SPIRE2: variants seen among roughly 807,000 people sequenced by gnomAD.
The protein encoded by SPIRE2 is spire type actin nucleation factor 2, also known as protein spire homolog 2.
A neutral mutation model predicts 80.7 loss-of-function variants in SPIRE2; 76 were observed. That is an observed-to-expected ratio of 0.94 (90% CI 0.78 to 1.14). SPIRE2 has a LOEUF of 1.14. SPIRE2 is among the 50% of genes most tolerant of loss of function. SPIRE2 has a pLI of 0.00. For missense variants in SPIRE2, 1,196 were observed against 1,015.3 expected (o/e 1.18, Z -2.42); for synonymous variants, 535 against 432.6 (o/e 1.24, Z -2.94).
intron 1 of SPIRE2, 136 bp from the exon 2 acceptor site, chr16:89,845,186 C>A: frequency 2.5e-6 from 2 of 797,704 alleles, no homozygotes; most frequent in Non-Finnish European, 4.3e-6. Flanking sequence ...GTGGCTGGGC[C>A]TGCTGTGAGC....
intron 1 of SPIRE2, among the ~76,000 whole-genome samples, chr16:89,843,404 A>G (rs192577284): frequency 4.6e-5 from 7 of 152,106 alleles, no homozygotes; most frequent in African/African-American, 1.2e-4. Flanking sequence ...TCCAGCTTCC[A>G]CCTGCATTTC....
chr16:89,854,729 G>T, intron 5 of SPIRE2, 78 bp downstream of exon 5: 3 of 1,528,264 alleles, frequency 2.0e-6, no homozygotes, highest in Non-Finnish European at 2.7e-6. Context: ...GAGCAGCCTG[G>T]ATGTTGGGCA....
At chr16:89,853,787 CCA>C (rs1331249888) in intron 3 of SPIRE2, among the ~76,000 whole-genome samples, 3 of 152,182 alleles carry the variant, frequency 2.0e-5, no homozygotes, top group Admixed American at 6.5e-5. Flanking sequence ...CAGGCCCTCA[CCA>C]CAGTGTTGGC....
intron 3 of SPIRE2, among the ~76,000 whole-genome samples, 196 bp from the exon 4 acceptor site, chr16:89,854,090 C>T (rs1016478332): frequency 2.0e-5 from 3 of 152,386 alleles, no homozygotes; most frequent in Middle Eastern, 3.4e-3. Context: ...CACCTGTGTC[C>T]GCCGCCTGTG....
intron 7 of SPIRE2, among the ~76,000 whole-genome samples, chr16:89,858,007 C>T (rs150060304): frequency 0.03 from 4,566 of 152,002 alleles, 99 homozygotes; most frequent in South Asian, 0.095. Flanking sequence ...CTTAGCTTCC[C>T]GAGTAGCTGG....
chr16:89,829,619 C>T (rs1222825147), intron 1 of SPIRE2, among the ~76,000 whole-genome samples: 2 of 152,164 alleles, frequency 1.3e-5, no homozygotes, highest in African/African-American at 4.8e-5. Flanking sequence ...AGGGCAAGGC[C>T]AGACAGAAGC....
intron 7 of SPIRE2, 44 bp downstream of exon 7, chr16:89,856,280 C>G: frequency 1.0e-5 from 16 of 1,533,672 alleles, no homozygotes; most frequent in Non-Finnish European, 1.4e-5. Flanking sequence ...GAGCCCCCGG[C>G]TGGGGTTCCC....
At chr16:89,859,046 G>A (rs1159965135) in intron 8 of SPIRE2, 119 bp from the exon 9 acceptor site, 2 of 914,356 alleles carry the variant, frequency 2.2e-6, no homozygotes, top group Non-Finnish European at 3.2e-6. Context: ...AGTGGGTGGA[G>A]GCTGCCCCAC....
In SPIRE2 at chr16:89,850,370, C is replaced by T. The variant is rs746442476; in HGVS notation, c.355C>T (p.Arg119Cys). 2.5e-6 allele frequency: 4 copies of T among 1,599,172 alleles called. No individual in the cohort carries two copies. Among genetic ancestry groups the T allele is most frequent in the South Asian group, 2.2e-5 (2 of 88,996 alleles). The change falls in exon 3 of 15, where the codon CGC becomes TGC. Residue 119 changes from arginine to cysteine, a missense_variant. By Grantham distance (180) the Arg-to-Cys change is radical. Coordinates refer to ENST00000378247, the MANE Select transcript of SPIRE2 (RefSeq NM_032451.2). ...CTGGGGGCTGGACGAGAGCGAGGAG[C>T]GCGAACTCAGCCCTCAGCTGGAGCG... ...LDWGLDESEE[R>C]ELSPQLERLI...
In SPIRE2 at chr16:89,857,881, CT is replaced by C. The variant is rs774655599; in HGVS notation, c.1103-438del. ...CACCGCACCCAGCCTAGTTCTTCTT[CT>C]TTTTTTTTTTTTTTTTTTGAGACAG... is the stretch of plus-strand genomic sequence containing the variant. On this transcript the variant is annotated intron_variant, in intron 7 of 14. Transcript: ENST00000378247. Among the ~76,000 whole-genome samples, 172 of 107,194 alleles carry C rather than the reference CT, an allele frequency of 1.6e-3. 2 individuals carry two copies. The highest frequency in any genetic ancestry group is 4.8e-3 in the African/African-American group (132 of 27,242). The allele number at this position is 107,194 out of a possible 152,430, so 70.3% of individuals were successfully genotyped here. A position where few individuals can be genotyped will look rare whatever the true frequency, so the allele number is the denominator to read the frequency against.
chr16:89,862,534 T>C (rs1277686951), intron 10 of SPIRE2: 1 of 152,310 alleles, frequency 6.6e-6, no homozygotes, highest in Non-Finnish European at 1.5e-5. Context: ...TCTCTGTACC[T>C]GGCGTGAGGT....
At chr16:89,855,515 TC>T in intron 5 of SPIRE2, 84 bp from the exon 6 acceptor site, 1 of 1,239,540 alleles carries the variant, frequency 8.1e-7, no homozygotes, top group Non-Finnish European at 1.2e-6. Flanking sequence ...GACCAGGCTG[TC>T]CTTGGGCTGA....
At position 89,860,770 on chromosome 16, in the gene SPIRE2, C is replaced by T; in HGVS notation, c.1550C>T (p.Thr517Ile). ...GGGGACAGACCCGAGGCCTCCATGA[C>T]CCCCGATGCCAAACACCTGTGGCTG... ...SSGDRPEASM[T>I]PDAKHLWLEF... The change falls in exon 10 of 15, where the codon ACC becomes ATC. Residue 517 changes from threonine to isoleucine, a missense_variant. Physicochemically the swap from Thr to Ile is moderately conservative, Grantham distance 89 (BLOSUM62 -1). Coordinates refer to ENST00000378247, the MANE Select transcript of SPIRE2 (RefSeq NM_032451.2). 1 of 1,547,894 alleles carries T rather than the reference C, an allele frequency of 6.5e-7. No individual in the cohort carries two copies. Among genetic ancestry groups the T allele is most frequent in the Admixed American group, 2.0e-5 (1 of 50,332 alleles).
Position 89,870,192 on chromosome 16 carries a change from G to A in SPIRE2, c.2065G>A (p.Val689Ile), listed in dbSNP as rs544131441. Residue 689 changes from valine (V) to isoleucine (I), a missense_variant, in exon 15 of 15, where the codon GTC becomes ATC. Physicochemically the swap from Val to Ile is conservative, Grantham distance 29. Coordinates refer to ENST00000378247, the MANE Select transcript of SPIRE2 (RefSeq NM_032451.2). ...VVRSSRKSVD[V>I]LNTTPRRSRQ... Reference sequence around the variant, plus strand: ...GCGTTCCAGCCGCAAGAGCGTGGACGTCCTCAACACTACGCCACGACGCAG... The same window carrying A: ...GCGTTCCAGCCGCAAGAGCGTGGACATCCTCAACACTACGCCACGACGCAG... 28 of 1,610,004 alleles carry A rather than the reference G, an allele frequency of 1.7e-5. No homozygotes were observed. Among genetic ancestry groups the A allele is most frequent in the African/African-American group, 1.6e-4 (12 of 74,970 alleles).
intron 1 of SPIRE2, among the ~76,000 whole-genome samples, chr16:89,835,339 C>A (rs1479598292): frequency 6.6e-6 from 1 of 152,228 alleles, no homozygotes; most frequent in Non-Finnish European, 1.5e-5. Flanking sequence ...CCCTGTGCTA[C>A]TGTTGAGATT....
At chr16:89,839,852 G>T (rs913895421) in intron 1 of SPIRE2, among the ~76,000 whole-genome samples, 7 of 152,244 alleles carry the variant, frequency 4.6e-5, no homozygotes, top group African/African-American at 1.7e-4. Flanking sequence ...GGGCAGCCTT[G>T]GGCCAAGCCT....
At chr16:89,837,256 C>T (rs562122644) in intron 1 of SPIRE2, among the ~76,000 whole-genome samples, 1 of 152,240 alleles carries the variant, frequency 6.6e-6, no homozygotes, top group East Asian at 1.9e-4. Context: ...TCTGCTGCTG[C>T]AGGAGTGAGG....
At chr16:89,855,861 C>A in intron 6 of SPIRE2, 175 bp downstream of exon 6, 2 of 884,936 alleles carry the variant, frequency 2.3e-6, no homozygotes, top group African/African-American at 1.7e-5. Context: ...CAGCCCGGGG[C>A]TGTGTGGCCC....
At chr16:89,835,142 G>A (rs1436222627) in intron 1 of SPIRE2, among the ~76,000 whole-genome samples, 4 of 151,168 alleles carry the variant, frequency 2.6e-5, no homozygotes, top group Admixed American at 2.0e-4. Flanking sequence ...GAACCTGCCC[G>A]CACTCACGGT....
Sources: gnomAD v4.1 joint callset for allele counts (sites outside exome capture counted in the v4.1 genomes callset) on GRCh38, gnomAD v4.1.1 for gene constraint, MANE v1.5 for transcripts, NCBI Gene and HGNC (gene_info 2026-07-23, HGNC 2026-07-21) for gene names.